XKR6: variants seen among roughly 807,000 people sequenced by gnomAD.
The protein encoded by XKR6 is XK-related protein 6.
XKR6 carries 22 observed loss-of-function variants against 56.7 expected under a neutral mutation model. That is an observed-to-expected ratio of 0.39 (90% CI 0.28 to 0.55). XKR6 has a LOEUF of 0.55. XKR6 is among the 20% of genes least tolerant of loss of function. XKR6 has a pLI of 0.66. For synonymous variants in XKR6, 524 were observed against 387.8 expected, an observed-to-expected ratio of 1.35 and a Z score of -4.13; for missense variants, 852 against 889.0, an observed-to-expected ratio of 0.96 and a Z score of 0.53.
chr8:10,977,325 G>A (rs1242862138), intron 1 of XKR6, among the ~76,000 whole-genome samples: 1 of 151,880 alleles, frequency 6.6e-6, no homozygotes, highest in African/African-American at 2.4e-5. Context: ...CCCATCCCAG[G>A]GACACCCTGC....
At position 10,924,701 on chromosome 8, in the gene XKR6, C is replaced by G. The variant is rs1192747704; in HGVS notation, c.894G>C (p.Glu298Asp). Reference protein sequence around the residue: ...NMLRLLETFLESAPQLVLQLY... With the variant: ...NMLRLLETFLDSAPQLVLQLY... ...GCTGTAGCACCAGTTGGGGCGCGCTCTCCAGGAAGGTCTCCAGGAGGCGCA... is the reference window on the plus strand; with the variant it reads ...GCTGTAGCACCAGTTGGGGCGCGCTGTCCAGGAAGGTCTCCAGGAGGCGCA... Residue 298 changes from glutamate (E) to aspartate (D), a missense_variant, in exon 2 of 3, where the codon GAG becomes GAC. This residue lies in a region of XKR6 where 199 missense variants were observed against 280.4 expected (regional missense o/e 0.71). Transcript: ENST00000416569. 11 of 1,613,558 alleles carry G rather than the reference C, an allele frequency of 6.8e-6. No individual in the cohort carries two copies. The highest frequency in any genetic ancestry group is 9.3e-6 in the Non-Finnish European group (11 of 1,179,994).
chr8:11,139,215 A>T (rs1035873368), intron 1 of XKR6, among the ~76,000 whole-genome samples: 2 of 152,242 alleles, frequency 1.3e-5, no homozygotes, highest in African/African-American at 4.8e-5. Flanking sequence ...AAAATTCTTC[A>T]CTTTTATGTA....
At chr8:11,147,573 T>A in intron 1 of XKR6, among the ~76,000 whole-genome samples, 1 of 150,932 alleles carries the variant, frequency 6.6e-6, no homozygotes, top group East Asian at 1.9e-4. Flanking sequence ...GGAGAATCAC[T>A]TGAACCTGGG....
chr8:11,001,406 A>G (rs1434468563), intron 1 of XKR6, among the ~76,000 whole-genome samples: 2 of 152,228 alleles, frequency 1.3e-5, no homozygotes, highest in African/African-American at 4.8e-5. Flanking sequence ...ACCCTCAAAT[A>G]GAAGCTGAAG....
chr8:10,968,466 T>G (rs886066911), intron 1 of XKR6, among the ~76,000 whole-genome samples: 2 of 152,222 alleles, frequency 1.3e-5, no homozygotes, highest in African/African-American at 4.8e-5. Context: ...TATGGCCCCC[T>G]TCGGTTGAGT....
intron 1 of XKR6, among the ~76,000 whole-genome samples, chr8:11,067,730 G>A (rs1178304472): frequency 6.6e-6 from 1 of 152,190 alleles, no homozygotes; most frequent in Non-Finnish European, 1.5e-5. Flanking sequence ...CCTGAAGCTG[G>A]ATGTGGCCAC....
chr8:10,913,364 A>T (rs1293910334), intron 2 of XKR6, among the ~76,000 whole-genome samples: 1 of 152,012 alleles, frequency 6.6e-6, no homozygotes, highest in Non-Finnish European at 1.5e-5. Context: ...ATTTCAATTT[A>T]TAAGGTGAAA....
intron 1 of XKR6, among the ~76,000 whole-genome samples, chr8:10,970,659 T>C (rs1323619993): frequency 6.6e-6 from 1 of 152,190 alleles, no homozygotes. Context: ...GGGTGGATTG[T>C]TAATTCATTA....
intron 2 of XKR6, among the ~76,000 whole-genome samples, chr8:10,903,311 C>A (rs7813037): frequency 0.16 from 23,971 of 152,100 alleles, 2,770 homozygotes; most frequent in African/African-American, 0.32. Context: ...GCGAAGGGTG[C>A]CTTGAGGACA....
chr8:11,146,474 T>A (rs1800989254), intron 1 of XKR6, among the ~76,000 whole-genome samples: 1 of 152,084 alleles, frequency 6.6e-6, no homozygotes, highest in South Asian at 2.1e-4. Context: ...GAAAGATTTT[T>A]AAAAATTAGA....
chr8:10,966,911 T>C (rs1409247453), intron 1 of XKR6, among the ~76,000 whole-genome samples: 1 of 152,128 alleles, frequency 6.6e-6, no homozygotes, highest in African/African-American at 2.4e-5. Context: ...TCTCTGGGGC[T>C]AGGTCTTAGC....
chr8:11,016,263 G>A (rs778270783), intron 1 of XKR6, among the ~76,000 whole-genome samples: 62 of 152,170 alleles, frequency 4.1e-4, no homozygotes, highest in Non-Finnish European at 6.9e-4. Context: ...GGGCCTCTGC[G>A]TCCCTCTGCC....
chr8:11,086,040 T>G (rs1227361006), intron 1 of XKR6, among the ~76,000 whole-genome samples: 1 of 151,734 alleles, frequency 6.6e-6, no homozygotes, highest in East Asian at 2.0e-4. Context: ...GGGGCCCGAG[T>G]GCCCCGGAGG....
rs752450331 is a variant in XKR6, at chr8:11,160,320, A to C, written c.764+40256T>G. Among the ~76,000 whole-genome samples the C allele has an allele frequency of 6.9e-4, 105 of 152,264 alleles. 1 individual carries two copies. Among genetic ancestry groups the C allele is most frequent in the Middle Eastern group, 3.4e-3 (1 of 294 alleles). On this transcript the variant is annotated intron_variant, in intron 1 of 2. Coordinates refer to ENST00000416569, the MANE Select transcript of XKR6 (RefSeq NM_173683.4). ...ATATTATGTTCAATTCTGAGTAGTC[A>C]ATAAGATGCAGCATATACAGATGAT...
intron 1 of XKR6, chr8:11,108,488 C>T: frequency 5.1e-6 from 2 of 388,778 alleles, no homozygotes; most frequent in South Asian, 4.0e-5. Context: ...GACATTAGTA[C>T]TCAACTTATG....
intron 1 of XKR6, among the ~76,000 whole-genome samples, chr8:11,199,190 A>G (rs1708046471): frequency 6.6e-6 from 1 of 152,224 alleles, no homozygotes; most frequent in African/African-American, 2.4e-5. Context: ...AAAGGCTAGT[A>G]AACAACTCTG....
intron 1 of XKR6, among the ~76,000 whole-genome samples, chr8:10,992,415 G>T (rs965082390): frequency 6.6e-6 from 1 of 152,046 alleles, no homozygotes; most frequent in Non-Finnish European, 1.5e-5. Flanking sequence ...TGTCTAACTG[G>T]TCCCTAATTC....
chr8:10,980,574 A>T (rs192941431), intron 1 of XKR6, among the ~76,000 whole-genome samples: 1 of 152,184 alleles, frequency 6.6e-6, no homozygotes, highest in African/African-American at 2.4e-5. Context: ...TTTAATACCT[A>T]TCTATTATCG....
In XKR6 at chr8:10,938,245, C is replaced by T. The variant is rs558662762; in HGVS notation, c.765-13415G>A. ...GCGCTTCCCAGGTGAGACAATGCCT[C>T]GCCCTGCTTCGGCTCGCGCACGGTG... On this transcript the variant is annotated intron_variant, in intron 1 of 2. Transcript: ENST00000416569. Among the ~76,000 whole-genome samples, 354 of 152,318 alleles carry T rather than the reference C, an allele frequency of 2.3e-3. 2 individuals are homozygous for T. Among genetic ancestry groups the T allele is most frequent in the African/African-American group, 7.8e-3 (323 of 41,576 alleles).
Sources: gnomAD v4.1 joint callset for allele counts (sites outside exome capture counted in the v4.1 genomes callset) on GRCh38, gnomAD v4.1.1 for gene constraint, gnomAD v4.1.1 regional missense constraint, MANE v1.5 for transcripts, NCBI Gene and HGNC (gene_info 2026-07-23, HGNC 2026-07-21) for gene names.